GRIA3: variants seen among roughly 807,000 people sequenced by gnomAD.
GRIA3 encodes glutamate receptor 3.
Under a neutral mutation model 63.0 loss-of-function variants are expected in GRIA3, and 3 were observed. The ratio of observed to expected loss-of-function variants is 0.05; its 90% CI spans 0.02 to 0.12. GRIA3 has a LOEUF of 0.12. Among genes scored for constraint, GRIA3 ranks in the 10% least tolerant of loss-of-function variants. GRIA3 has a pLI of 1.00. For synonymous variants in GRIA3, 274 were observed against 257.9 expected (o/e 1.06, Z -0.60); for missense variants, 347 against 700.9 (o/e 0.50, Z 5.70).
At chrX:123,476,395 C>A (rs1377724387) in intron 13 of GRIA3, among the ~76,000 whole-genome samples, 1 of 111,206 alleles carries the variant, frequency 9.0e-6, no homozygotes, top group African/African-American at 3.3e-5. Flanking sequence ...GGTGTCAATA[C>A]CTTCAGTTGG....
intron 4 of GRIA3, among the ~76,000 whole-genome samples, chrX:123,332,808 A>G (rs1033947943): frequency 1.8e-5 from 2 of 111,826 alleles, no homozygotes; most frequent in Non-Finnish European, 3.8e-5. Context: ...TACTGCCACA[A>G]CTTACCCTGA....
intron 12 of GRIA3, among the ~76,000 whole-genome samples, chrX:123,450,812 C>T (rs1301653775): frequency 1.8e-5 from 2 of 112,203 alleles, no homozygotes; most frequent in Admixed American, 9.5e-5. Context: ...GCTATTTCAT[C>T]TTGGCTGATT....
At chrX:123,355,019 G>A in intron 5 of GRIA3, 56 bp downstream of exon 5, 2 of 891,597 alleles carry the variant, frequency 2.2e-6, no homozygotes, top group East Asian at 3.1e-5. Context: ...GAATTTTTCT[G>A]TAATCATCCA....
intron 2 of GRIA3, among the ~76,000 whole-genome samples, chrX:123,244,247 A>ACT (rs2044345982): frequency 8.9e-6 from 1 of 111,861 alleles, no homozygotes; most frequent in African/African-American, 3.3e-5. Flanking sequence ...CACTGTTCTG[A>ACT]CTCTGAAACC....
At chrX:123,275,201 A>C (rs2044547846) in intron 3 of GRIA3, among the ~76,000 whole-genome samples, 1 of 111,905 alleles carries the variant, frequency 8.9e-6, no homozygotes, top group Non-Finnish European at 1.9e-5. Flanking sequence ...TAGCAAACCT[A>C]TGTGAGCACT....
chrX:123,326,259 C>A lies in GRIA3; in HGVS notation c.696+46C>A, dbSNP rs776325267. On this transcript the variant is annotated intron_variant, in intron 4 of 15. Transcript: ENST00000620443. ...ACCGCCAGCCAACATGTTAAATTAT[C>A]AACCTAAGTCAGCTCCCATATCTGC... 4.9e-6 allele frequency: 5 copies of A among 1,030,160 alleles called. No individual in the cohort carries two copies. In the African/African-American group the frequency reaches 9.4e-5, roughly 19 times the overall value. 84.9% of individuals were successfully genotyped at this position (1,030,160 alleles called of 1,213,427 possible).
intron 5 of GRIA3, among the ~76,000 whole-genome samples, chrX:123,357,213 C>G (rs964744737): frequency 9.1e-6 from 1 of 110,467 alleles, no homozygotes; most frequent in Non-Finnish European, 1.9e-5. Flanking sequence ...AAAGCACACA[C>G]CTTCCACTTG....
intron 4 of GRIA3, among the ~76,000 whole-genome samples, chrX:123,335,741 A>T (rs866817680): frequency 9.0e-6 from 1 of 111,495 alleles, no homozygotes; most frequent in African/African-American, 3.3e-5. Context: ...GAAAGGAAAC[A>T]CTAGCCATAT....
chrX:123,332,819 A>C (rs1054762124), intron 4 of GRIA3, among the ~76,000 whole-genome samples: 2 of 111,861 alleles, frequency 1.8e-5, no homozygotes, highest in East Asian at 5.6e-4. Context: ...CTTACCCTGA[A>C]GCACTAAGTC....
chrX:123,484,473 G>C (rs1402425804), intron 15 of GRIA3, among the ~76,000 whole-genome samples: 2 of 110,310 alleles, frequency 1.8e-5, no homozygotes, highest in Non-Finnish European at 3.8e-5. Flanking sequence ...GTTTTTTTGG[G>C]GGGTGTTCTG....
At chrX:123,194,543 T>C (rs1603018260) in intron 2 of GRIA3, among the ~76,000 whole-genome samples, 1 of 112,164 alleles carries the variant, frequency 8.9e-6, no homozygotes, top group East Asian at 2.8e-4. Flanking sequence ...AATATCCTAG[T>C]ACCTCACTGC....
At chrX:123,193,585 C>T (rs905011875) in intron 2 of GRIA3, among the ~76,000 whole-genome samples, 2 of 111,827 alleles carry the variant, frequency 1.8e-5, no homozygotes, top group Admixed American at 1.9e-4. Context: ...AGACCTGAGC[C>T]GAGAACTGCT....
intron 2 of GRIA3, among the ~76,000 whole-genome samples, chrX:123,208,210 G>A (rs1487979034): frequency 8.9e-6 from 1 of 111,843 alleles, no homozygotes; most frequent in Non-Finnish European, 1.9e-5. Flanking sequence ...GCCTTACCAG[G>A]GACTAAATGA....
chrX:123,184,576 C>A lies in GRIA3; in HGVS notation c.41C>A (p.Ala14Glu). ...QKKMGQSVLR[A>E]VFFLVLGLLG... ...AAAATGGGGCAAAGCGTGCTCCGGG[C>A]GGTCTTCTTTTTAGTCCTGGGGCTT... The change falls in exon 1 of 16, where the codon GCG (alanine) becomes GAG (glutamate). Residue 14 changes from alanine (A) to glutamate (E), a missense_variant. Physicochemically the swap from Ala to Glu is moderately radical, Grantham distance 107 (BLOSUM62 -1). Around this residue, in one of 8 missense-constraint regions of GRIA3, gnomAD observed 36 missense variants for 28.2 expected, o/e 1.28. Coordinates refer to ENST00000620443, the MANE Select transcript of GRIA3 (RefSeq NM_007325.5). 8 of 1,209,785 alleles carry A rather than the reference C, an allele frequency of 6.6e-6. No homozygotes were observed. The highest frequency in any genetic ancestry group is 8.9e-6 in the Non-Finnish European group (8 of 894,137).
chrX:123,413,606 A>G (rs180781078), intron 10 of GRIA3, among the ~76,000 whole-genome samples: 1 of 99,555 alleles, frequency 1.0e-5, no homozygotes. Context: ...CATTCTCCTC[A>G]GTACCCTTTT....
intron 2 of GRIA3, among the ~76,000 whole-genome samples, chrX:123,230,807 T>A (rs2044272083): frequency 9.0e-6 from 1 of 111,589 alleles, no homozygotes. Context: ...GCTGGGGCCC[T>A]AACAAAACTT....
intron 1 of GRIA3, 25 bp downstream of exon 1, chrX:123,184,669 G>C (rs771683758): frequency 9.5e-7 from 1 of 1,053,129 alleles, no homozygotes; most frequent in Non-Finnish European, 1.3e-6. Context: ...GCCAGCCGTC[G>C]GTCCAGGCTC....
chrX:123,284,532 T>C (rs1376720756), intron 3 of GRIA3, among the ~76,000 whole-genome samples: 1 of 110,763 alleles, frequency 9.0e-6, no homozygotes, highest in Non-Finnish European at 1.9e-5. Context: ...CTAACCAGAA[T>C]AACCAGTTTA....
intron 4 of GRIA3, among the ~76,000 whole-genome samples, chrX:123,337,485 G>A (rs1569421827): frequency 8.9e-6 from 1 of 112,001 alleles, no homozygotes; most frequent in South Asian, 3.8e-4. Context: ...GGGCCAGAAT[G>A]CGCCTGCTGA....
Sources: allele counts gnomAD v4.1 joint callset (sites outside exome capture counted in the v4.1 genomes callset), GRCh38; gene constraint gnomAD v4.1.1; regional missense constraint gnomAD v4.1.1; transcripts MANE v1.5; gene names NCBI Gene and HGNC (gene_info 2026-07-23, HGNC 2026-07-21).